The following LEPR variants were observed in gnomAD, a reference collection of about 807,000 sequenced individuals.
LEPR encodes leptin receptor.
A neutral mutation model predicts 114.7 loss-of-function variants in LEPR; 56 were observed. That is an observed-to-expected ratio of 0.49 (90% CI 0.39 to 0.61). The LOEUF is 0.61. Ranked by LOEUF, LEPR falls within the 20% of genes least tolerant of loss-of-function variation. LEPR has a pLI of 0.00. For missense variants in LEPR, 1,202 were observed against 1,352.9 expected, an observed-to-expected ratio of 0.89 and a Z score of 1.75; for synonymous variants, 443 against 461.4, an observed-to-expected ratio of 0.96 and a Z score of 0.51.
intron 5 of LEPR, among the ~76,000 whole-genome samples, chr1:65,584,582 T>G (rs1478033457): frequency 1.3e-5 from 2 of 152,108 alleles, no homozygotes; most frequent in African/African-American, 2.4e-5. Flanking sequence ...TGTTACTTAT[T>G]TGCTCAGTGC....
chr1:65,590,503 A>G lies in LEPR; in HGVS notation c.495-2154A>G, dbSNP rs1190188157. Among the ~76,000 whole-genome samples the G allele has an allele frequency of 2.6e-5, 4 of 151,496 alleles. No homozygotes were observed. The East Asian group carries it at 8.0e-4, about 30-fold the overall frequency. ...CTTCACTATTATGGCGGTTACCTCC[A>G]TGATAATGAGTGAGTTCTCATGAGA... On this transcript the variant is annotated intron_variant, in intron 5 of 19. Transcript: ENST00000349533.
intron 2 of LEPR, among the ~76,000 whole-genome samples, chr1:65,497,298 G>A (rs1648214069): frequency 6.6e-6 from 1 of 152,004 alleles, no homozygotes; most frequent in African/African-American, 2.4e-5. Context: ...TTCAGGAAAA[G>A]CTTATTCTTT....
At position 65,639,802 on chromosome 1, in the gene LEPR, A is replaced by G. The variant is rs1275851089; in HGVS notation, c.*2787A>G. On this transcript the variant is annotated 3_prime_UTR_variant, in exon 20 of 20. Transcript: ENST00000349533. ...TAAATAGATTGTTTGAAGAGAAATCATATGTCAGGGTTTGCAGGATTACAG... is the reference window on the plus strand; with the variant it reads ...TAAATAGATTGTTTGAAGAGAAATCGTATGTCAGGGTTTGCAGGATTACAG... The G allele has an allele frequency of 1.3e-5, 2 of 152,196 alleles. No individual in the cohort carries two copies. Among genetic ancestry groups the G allele is most frequent in the African/African-American group, 2.4e-5 (1 of 41,448 alleles). The allele number at this position is 152,196 out of a possible 1,614,324, so 9.4% of individuals were successfully genotyped here. A position where few individuals can be genotyped will look rare whatever the true frequency, so the allele number is the denominator to read the frequency against.
intron 2 of LEPR, among the ~76,000 whole-genome samples, chr1:65,548,429 T>A (rs974195252): frequency 3.6e-4 from 55 of 152,190 alleles, no homozygotes; most frequent in African/African-American, 1.2e-3. Context: ...CCCATTATTA[T>A]TGTGTGGGAG....
At position 65,621,427 on chromosome 1, in the gene LEPR, T is replaced by C; in HGVS notation, c.2566T>C (p.Leu856=). The C allele has an allele frequency of 6.2e-7, 1 of 1,613,384 alleles. No individual in the cohort carries two copies. The highest frequency in any genetic ancestry group is 8.5e-7 in the Non-Finnish European group (1 of 1,179,574). The change falls in exon 18 of 20, where the codon TTG becomes CTG. Residue 856 remains leucine, a synonymous_variant. Transcript: ENST00000349533. The part of the protein sequence containing the change: ...VPVIISSSIL[L]LGTLLISHQR... ...AGTAATTATTTCCTCTTCCATCTTA[T>C]TGCTTGGAACATTATTAATATCACA...
intron 2 of LEPR, among the ~76,000 whole-genome samples, chr1:65,458,523 G>T (rs533039967): frequency 3.9e-5 from 6 of 152,268 alleles, no homozygotes; most frequent in African/African-American, 1.2e-4. Context: ...TTTTTGAAGA[G>T]AATTCCAACG....
rs70937101 is a variant in LEPR, at chr1:65,637,080, T to C, written c.*65T>C. The C allele has an allele frequency of 2.4e-5, 31 of 1,292,754 alleles. 1 individual carries two copies. The East Asian group carries it at 6.9e-4, about 29-fold the overall frequency. 80.1% of individuals were successfully genotyped at this position (1,292,754 alleles called of 1,614,324 possible). A position where few individuals can be genotyped will look rare whatever the true frequency, so the allele number is the denominator to read the frequency against. On this transcript the variant is annotated 3_prime_UTR_variant, in exon 20 of 20. Coordinates refer to ENST00000349533, the MANE Select transcript of LEPR (RefSeq NM_002303.6). The stretch of plus-strand genomic sequence containing the variant: ...AATATAAAGTGTAATAGATTATAGT[T>C]GTGGGTGGGAGAGAGAAAAGAAACC...
chr1:65,618,338 T>C (rs77555298), intron 16 of LEPR, among the ~76,000 whole-genome samples, 192 bp downstream of exon 16: 1 of 132,446 alleles, frequency 7.6e-6, no homozygotes, highest in East Asian at 3.9e-4. Flanking sequence ...CTCTTTTCTT[T>C]TCTTTTCGGC....
At chr1:65,543,461 TGTTTA>T (rs2100673400) in intron 2 of LEPR, among the ~76,000 whole-genome samples, 1 of 152,118 alleles carries the variant, frequency 6.6e-6, no homozygotes, top group Non-Finnish European at 1.5e-5. Flanking sequence ...GAAGCTGAGC[TGTTTA>T]GTTTAATTAT....
intron 2 of LEPR, among the ~76,000 whole-genome samples, chr1:65,506,858 G>A (rs553570833): frequency 6.6e-6 from 1 of 152,236 alleles, no homozygotes; most frequent in Non-Finnish European, 1.5e-5. Flanking sequence ...ATTGCAGTCA[G>A]TATGCTGTCC....
At chr1:65,472,508 A>G (rs1647098995) in intron 2 of LEPR, among the ~76,000 whole-genome samples, 1 of 147,928 alleles carries the variant, frequency 6.8e-6, no homozygotes, top group Non-Finnish European at 1.5e-5. Flanking sequence ...TAAATGGTGA[A>G]TGAAGTAGAT....
intron 2 of LEPR, chr1:65,433,510 G>A: frequency 2.0e-6 from 2 of 985,408 alleles, no homozygotes; most frequent in Non-Finnish European, 2.4e-6. Context: ...GTATGAAACT[G>A]AAATACATTC....
intron 5 of LEPR, among the ~76,000 whole-genome samples, chr1:65,581,024 CA>C (rs960920276): frequency 2.0e-5 from 3 of 152,148 alleles, no homozygotes; most frequent in African/African-American, 7.2e-5. Flanking sequence ...TAACTACTAA[CA>C]CCTACTTTAC....
intron 2 of LEPR, among the ~76,000 whole-genome samples, chr1:65,473,110 T>C (rs1223735427): frequency 1.3e-5 from 2 of 152,208 alleles, no homozygotes; most frequent in Admixed American, 6.5e-5. Flanking sequence ...GTGATAATAC[T>C]CTTGACGGCT....
chr1:65,426,867 A>G (rs528974560), intron 2 of LEPR, among the ~76,000 whole-genome samples: 167 of 152,072 alleles, frequency 1.1e-3, no homozygotes, highest in Non-Finnish European at 1.9e-3. Context: ...GCGTGGTGGC[A>G]CACGCCTGTA....
At chr1:65,595,232 G>T (rs553250377) in intron 6 of LEPR, among the ~76,000 whole-genome samples, 1 of 152,182 alleles carries the variant, frequency 6.6e-6, no homozygotes, top group Non-Finnish European at 1.5e-5. Context: ...CTCTGTGCAA[G>T]CGGCTTTTAT....
In LEPR at chr1:65,420,734, G is replaced by C; in HGVS notation, c.-103G>C. The C allele has an allele frequency of 6.3e-7, 1 of 1,582,918 alleles. No homozygotes were observed. The highest frequency in any genetic ancestry group is 1.2e-5 in the South Asian group (1 of 86,522). ...CCCCAGTTCGGGAGACATGGCGGGC[G>C]TTAAAGGTACATCGCGGTCCCCGGC... On this transcript the variant is annotated 5_prime_UTR_variant, in exon 1 of 20. Coordinates refer to ENST00000349533, the MANE Select transcript of LEPR (RefSeq NM_002303.6).
At chr1:65,427,866 C>A in intron 2 of LEPR, 1 of 266,188 alleles carries the variant, frequency 3.8e-6, no homozygotes, top group Non-Finnish European at 7.8e-6. Flanking sequence ...GTCTTGAACT[C>A]CTGGCCTCAA....
Position 65,636,736 on chromosome 1 carries a change from T to C in LEPR, c.3219T>C (p.Asp1073=). 2 of 1,610,832 alleles carry C rather than the reference T, an allele frequency of 1.2e-6. No individual in the cohort carries two copies. Among genetic ancestry groups the C allele is most frequent in the Non-Finnish European group, 1.7e-6 (2 of 1,178,912 alleles). The change falls in exon 20 of 20, where the codon GAT becomes GAC. Residue 1073 remains aspartate, a synonymous_variant. Transcript: ENST00000349533. ...LEGNFPEENN[D]KKSIYYLGVT... ...GAAATTTCCCTGAAGAAAATAATGA[T>C]AAAAAGTCTATCTATTATTTAGGGG...
Sources: allele counts gnomAD v4.1 joint callset (sites outside exome capture counted in the v4.1 genomes callset), GRCh38; gene constraint gnomAD v4.1.1; transcripts MANE v1.5; gene names NCBI Gene and HGNC (gene_info 2026-07-23, HGNC 2026-07-21).